The following ACOT1 variants were observed in gnomAD, a reference collection of about 807,000 sequenced individuals.
The protein encoded by ACOT1 is acyl-coenzyme A thioesterase 1.
A neutral mutation model predicts 15.7 loss-of-function variants in ACOT1; 8 were observed. The observed-to-expected ratio is 0.51, with a 90% CI of 0.30 to 0.92. The LOEUF is 0.92. Among genes scored for constraint, ACOT1 ranks in the 40% least tolerant of loss-of-function variants. The pLI is 0.06. For missense variants in ACOT1, 151 were observed against 539.4 expected (o/e 0.28, Z 7.13); for synonymous variants, 67 against 241.2 (o/e 0.28, Z 6.69).
At chr14:73,495,427 C>G in the ACOT1 span, 1 of 1,540,300 alleles carries the variant, frequency 6.5e-7, no homozygotes, top group South Asian at 1.1e-5. Context: ...CAAAACAAAA[C>G]ACCTGTACTA....
At chr14:73,516,147 C>CAA in the ACOT1 span, among the ~76,000 whole-genome samples, 6 of 9,156 alleles carry the variant, frequency 6.6e-4, 1 homozygote, top group Non-Finnish European at 7.7e-4. Context: ...CAACAGTCAT[C>CAA]AAAAAAAAAA....
At chr14:73,529,768 C>T in the ACOT1 span, among the ~76,000 whole-genome samples, 1 of 152,084 alleles carries the variant, frequency 6.6e-6, no homozygotes, top group East Asian at 1.9e-4. Context: ...TGCATTCTCC[C>T]TTGTTATTAA....
the ACOT1 span, chr14:73,520,784 C>G: frequency 6.3e-6 from 9 of 1,436,380 alleles, no homozygotes; most frequent in South Asian, 1.3e-5. Flanking sequence ...TTTCCAGCCC[C>G]CAGCAATCTT....
chr14:73,499,739 T>A, the ACOT1 span, among the ~76,000 whole-genome samples: 1 of 152,138 alleles, frequency 6.6e-6, no homozygotes, highest in Non-Finnish European at 1.5e-5. Flanking sequence ...GAATTATAAC[T>A]CCATTTATGG....
chr14:73,498,310 C>A, the ACOT1 span: 1 of 1,610,120 alleles, frequency 6.2e-7, no homozygotes. Flanking sequence ...GAAGATCCGT[C>A]AGCTCGGGAC....
chr14:73,509,572 G>T, the ACOT1 span: 2 of 1,170,040 alleles, frequency 1.7e-6, no homozygotes, highest in Non-Finnish European at 2.5e-6. Context: ...CTCAGTCCCA[G>T]CTGCAGTTGC....
At chr14:73,491,324 G>A in the ACOT1 span, 1 of 1,499,222 alleles carries the variant, frequency 6.7e-7, no homozygotes. Context: ...CCTGGGGCCC[G>A]CAGAGCTGCT....
At chr14:73,508,034 C>T in the ACOT1 span, 1 of 1,161,836 alleles carries the variant, frequency 8.6e-7, no homozygotes, top group African/African-American at 1.5e-5. Flanking sequence ...GCATAAGCCA[C>T]TGCCCCGGCC....
chr14:73,505,051 C>T, the ACOT1 span, among the ~76,000 whole-genome samples: 1 of 152,006 alleles, frequency 6.6e-6, no homozygotes, highest in Non-Finnish European at 1.5e-5. Context: ...CCTGCCTCAG[C>T]CTCCAAGTAG....
chr14:73,499,384 G>A, the ACOT1 span, among the ~76,000 whole-genome samples: 1 of 152,142 alleles, frequency 6.6e-6, no homozygotes, highest in African/African-American at 2.4e-5. Flanking sequence ...GGAGGCTGAG[G>A]TAGGAGAATT....
At chr14:73,512,757 CTT>C in the ACOT1 span, among the ~76,000 whole-genome samples, 1 of 152,196 alleles carries the variant, frequency 6.6e-6, no homozygotes, top group Non-Finnish European at 1.5e-5. Flanking sequence ...GCTAAATACT[CTT>C]TTGGCAGGTA....
At chr14:73,496,602 C>T in the ACOT1 span, 3 of 1,589,794 alleles carry the variant, frequency 1.9e-6, no homozygotes, top group Non-Finnish European at 2.6e-6. Flanking sequence ...CTTATTTACC[C>T]TGTTCTTGAT....
chr14:73,519,144 G>A, the ACOT1 span: 2 of 1,613,140 alleles, frequency 1.2e-6, no homozygotes, highest in Non-Finnish European at 1.7e-6. Flanking sequence ...CACCAATCTG[G>A]TGGATGATCT....
chr14:73,520,764 C>A, the ACOT1 span: 1 of 1,266,500 alleles, frequency 7.9e-7, no homozygotes, highest in Non-Finnish European at 1.1e-6. Context: ...CTTGTCCATA[C>A]CCACAACTGT....
chr14:73,517,899 C>T, the ACOT1 span, among the ~76,000 whole-genome samples: 2 of 151,776 alleles, frequency 1.3e-5, no homozygotes, highest in African/African-American at 2.4e-5. Context: ...CCATCCTGGC[C>T]AACATGGTGA....
At chr14:73,522,072 A>C in the ACOT1 span, among the ~76,000 whole-genome samples, 2 of 152,220 alleles carry the variant, frequency 1.3e-5, no homozygotes. Context: ...CTCCCACAAC[A>C]AAAATTATCC....
the ACOT1 span, chr14:73,499,193 A>G: frequency 2.6e-6 from 4 of 1,517,398 alleles, no homozygotes; most frequent in Non-Finnish European, 3.7e-6. Context: ...AGAATGAACC[A>G]GAAACAGCTG....
the ACOT1 span, chr14:73,491,363 C>A: frequency 1.5e-6 from 2 of 1,376,272 alleles, no homozygotes; most frequent in Middle Eastern, 2.5e-4. Flanking sequence ...GCGCTCCCTG[C>A]AGACCCCGTC....
At chr14:73,528,411 A>AC in the ACOT1 span, among the ~76,000 whole-genome samples, 1 of 148,628 alleles carries the variant, frequency 6.7e-6, no homozygotes, top group Admixed American at 6.7e-5. Context: ...AAAAAAAAAA[A>AC]AAACTTAAGG....
Sources: gnomAD v4.1 joint callset for allele counts (sites outside exome capture counted in the v4.1 genomes callset) on GRCh38, gnomAD v4.1.1 for gene constraint, MANE v1.5 for transcripts, NCBI Gene and HGNC (gene_info 2026-07-23, HGNC 2026-07-21) for gene names.